Variants in DCHS2 observed in about 807,000 individuals in gnomAD.
DCHS2 encodes the protein protocadherin-23.
Under a neutral mutation model 182.4 loss-of-function variants are expected in DCHS2, and 142 were observed. That is an observed-to-expected ratio of 0.78 (90% CI 0.68 to 0.89). DCHS2 has a LOEUF of 0.89. Among genes scored for constraint, DCHS2 ranks in the 40% least tolerant of loss-of-function variants. The pLI, the probability that DCHS2 is intolerant of heterozygous loss-of-function variation, is 0.00. For missense variants in DCHS2, 4,319 were observed against 4,198.6 expected (o/e 1.03, Z -0.79); for synonymous variants, 1,740 against 1,663.3 (o/e 1.05, Z -1.12).
At chr4:154,407,296 T>C (rs1732440860) in intron 1 of DCHS2, among the ~76,000 whole-genome samples, 1 of 152,182 alleles carries the variant, frequency 6.6e-6, no homozygotes, top group African/African-American at 2.4e-5. Flanking sequence ...CCAGGTATCT[T>C]GTATACGATC....
At chr4:154,341,374 A>C (rs1729091457) in intron 3 of DCHS2, among the ~76,000 whole-genome samples, 1 of 151,804 alleles carries the variant, frequency 6.6e-6, no homozygotes, top group African/African-American at 2.4e-5. Context: ...GTCTCAAAAA[A>C]AAAAAAAAAA....
At position 154,236,326 on chromosome 4, in the gene DCHS2, A is replaced by C; in HGVS notation, c.8326T>G (p.Cys2776Gly). ...ATAGGCAGATTTTCTGGAACAATAC[A>C]GCTGAAGCTTGAGAACATAAACTGA... Reference protein sequence around the residue: ...APQFMFSSFSCIVPENLPISS... With the variant: ...APQFMFSSFSGIVPENLPISS... Residue 2776 changes from cysteine to glycine, a missense_variant, in exon 20 of 20, where the codon TGT becomes GGT. Transcript: ENST00000357232. 7 of 1,614,086 alleles carry C rather than the reference A, an allele frequency of 4.3e-6. No individual in the cohort carries two copies. The highest frequency in any genetic ancestry group is 5.9e-6 in the Non-Finnish European group (7 of 1,179,970).
intron 13 of DCHS2, among the ~76,000 whole-genome samples, chr4:154,296,527 A>G (rs1368849839): frequency 6.6e-6 from 1 of 152,230 alleles, no homozygotes; most frequent in Non-Finnish European, 1.5e-5. Flanking sequence ...TGAAAATAGA[A>G]ACTATACATT....
At chr4:154,421,008 T>C (rs529487128) in intron 1 of DCHS2, among the ~76,000 whole-genome samples, 2 of 152,212 alleles carry the variant, frequency 1.3e-5, no homozygotes, top group African/African-American at 4.8e-5. Flanking sequence ...ACTACCATCA[T>C]TGGAAAAAAA....
At chr4:154,373,923 C>T (rs1409220259) in intron 2 of DCHS2, 10 of 1,605,582 alleles carry the variant, frequency 6.2e-6, no homozygotes, top group Admixed American at 1.7e-5. Context: ...TCCTTACCTT[C>T]ACCAGGGCTA....
intron 13 of DCHS2, 137 bp from the exon 14 acceptor site, chr4:154,270,150 C>G: frequency 1.8e-6 from 2 of 1,121,440 alleles, no homozygotes; most frequent in Non-Finnish European, 2.4e-6. Context: ...TTATTGTCTT[C>G]AATGAGCCAG....
chr4:154,346,450 A>G (rs189953199), intron 3 of DCHS2, among the ~76,000 whole-genome samples: 1 of 152,364 alleles, frequency 6.6e-6, no homozygotes, highest in East Asian at 1.9e-4. Context: ...AAATCATCCC[A>G]TAACAACTTT....
chr4:154,491,155 G>C lies in DCHS2; in HGVS notation c.201C>G (p.Phe67Leu). The C allele has an allele frequency of 6.4e-7, 1 of 1,551,304 alleles. No homozygotes were observed. The highest frequency in any genetic ancestry group is 8.7e-7 in the Non-Finnish European group (1 of 1,146,764). Residue 67 changes from phenylalanine (F) to leucine (L), a missense_variant, in exon 1 of 20, where the codon TTC (phenylalanine) becomes TTG (leucine). Phe to Leu is a conservative substitution (Grantham distance 22, BLOSUM62 0). Coordinates refer to ENST00000357232, the MANE Select transcript of DCHS2 (RefSeq NM_001358235.2). ...CCTCATCTACGGAAAGGGTGAGGTT[G>C]AACAACTGGGCAGAGGAGCCCGAGG... ...WAASGSSAQL[F>L]NLTLSVDEGL...
chr4:154,254,220 G>A (rs1171526494), intron 16 of DCHS2, among the ~76,000 whole-genome samples: 1 of 152,170 alleles, frequency 6.6e-6, no homozygotes, highest in Admixed American at 6.5e-5. Context: ...TTCAGTAAAA[G>A]AGCTAAGCCT....
intron 1 of DCHS2, among the ~76,000 whole-genome samples, chr4:154,428,470 T>C (rs1450751095): frequency 6.6e-6 from 1 of 151,966 alleles, no homozygotes; most frequent in African/African-American, 2.4e-5. Flanking sequence ...GTCTAGGAGT[T>C]CGAGGCTGCA....
At chr4:154,407,527 T>A (rs1353699873) in intron 1 of DCHS2, among the ~76,000 whole-genome samples, 1 of 152,188 alleles carries the variant, frequency 6.6e-6, no homozygotes, top group Non-Finnish European at 1.5e-5. Context: ...GAAGTCCTAC[T>A]TTTTTCTAAA....
At chr4:154,384,830 C>G (rs142805404) in intron 1 of DCHS2, among the ~76,000 whole-genome samples, 1 of 152,206 alleles carries the variant, frequency 6.6e-6, no homozygotes, top group African/African-American at 2.4e-5. Context: ...CCAGAAGGAG[C>G]ACAGCCCTGC....
chr4:154,277,558 A>T (rs754981048), intron 13 of DCHS2, among the ~76,000 whole-genome samples: 4 of 150,598 alleles, frequency 2.7e-5, no homozygotes, highest in Non-Finnish European at 4.4e-5. Flanking sequence ...ATTGGTAAAG[A>T]TCTTCCTTTG....
At chr4:154,450,856 G>A (rs1734503371) in intron 1 of DCHS2, among the ~76,000 whole-genome samples, 3 of 151,996 alleles carry the variant, frequency 2.0e-5, no homozygotes, top group South Asian at 4.2e-4. Flanking sequence ...AAATTTAGGC[G>A]GCTTCCACCT....
intron 13 of DCHS2, among the ~76,000 whole-genome samples, chr4:154,287,822 T>C (rs1444894666): frequency 6.6e-6 from 1 of 152,144 alleles, no homozygotes; most frequent in Non-Finnish European, 1.5e-5. Context: ...GTTTGGTTGA[T>C]TGTTTGTTTA....
At chr4:154,485,648 T>G (rs1728556805) in intron 1 of DCHS2, among the ~76,000 whole-genome samples, 1 of 152,236 alleles carries the variant, frequency 6.6e-6, no homozygotes, top group Admixed American at 6.5e-5. Context: ...GTTGGTTAGA[T>G]GTTGTTGAAT....
chr4:154,455,515 T>C (rs36090043), intron 1 of DCHS2, among the ~76,000 whole-genome samples: 27,625 of 152,224 alleles, frequency 0.18, 3,100 homozygotes, highest in Non-Finnish European at 0.27. Context: ...TATCTAATTA[T>C]GAAAACAATT....
chr4:154,396,020 A>G (rs1731914990), intron 1 of DCHS2, among the ~76,000 whole-genome samples: 1 of 152,202 alleles, frequency 6.6e-6, no homozygotes. Context: ...AGCGAGGTAA[A>G]CATTTGTCAT....
chr4:154,365,701 G>A (rs1001345070), intron 3 of DCHS2, among the ~76,000 whole-genome samples: 2 of 151,560 alleles, frequency 1.3e-5, no homozygotes, highest in Non-Finnish European at 2.9e-5. Flanking sequence ...CCAGGCTGGA[G>A]GGCAGTGGCG....
Sources: allele counts gnomAD v4.1 joint callset (sites outside exome capture counted in the v4.1 genomes callset), GRCh38; gene constraint gnomAD v4.1.1; transcripts MANE v1.5; gene names NCBI Gene and HGNC (gene_info 2026-07-23, HGNC 2026-07-21).